SORCS3: variants seen among roughly 807,000 people sequenced by gnomAD.
SORCS3 encodes the protein sortilin related VPS10 domain containing receptor 3.
In SORCS3, 57 loss-of-function variants were observed where a neutral mutation model predicts 146.3. That is an observed-to-expected ratio of 0.39 (90% CI 0.31 to 0.49). The LOEUF (loss-of-function observed/expected upper bound fraction) is 0.49. Ranked by LOEUF, SORCS3 falls within the 20% of genes least tolerant of loss-of-function variation. The pLI is 0.92. For missense variants in SORCS3, 1,341 were observed against 1,575.5 expected (o/e 0.85, Z 2.52); for synonymous variants, 653 against 618.5 (o/e 1.06, Z -0.83).
At position 104,904,472 on chromosome 10, in the gene SORCS3, A is replaced by T. The variant is rs1479427340; in HGVS notation, c.696-11361A>T. 4.0e-5 allele frequency among the ~76,000 whole-genome samples: 6 copies of T among 151,340 alleles called. No homozygotes were observed. In the East Asian group the frequency reaches 1.2e-3, roughly 29 times the overall value. On this transcript the variant is annotated intron_variant, in intron 2 of 26. Transcript: ENST00000369701. Reference sequence around the variant, plus strand: ...CAAATAATGATACATACAAATATTTATGTCTGACAACACACATTCAAGTTA... The same window carrying T: ...CAAATAATGATACATACAAATATTTTTGTCTGACAACACACATTCAAGTTA...
chr10:105,138,963 C>T (rs1377009), intron 7 of SORCS3, among the ~76,000 whole-genome samples: 60,567 of 152,136 alleles, frequency 0.4, 12,349 homozygotes, highest in Middle Eastern at 0.48. Flanking sequence ...GAGCTTTGAA[C>T]AATAGTAATT....
chr10:104,927,994 A>C (rs2019166339), intron 3 of SORCS3, among the ~76,000 whole-genome samples: 1 of 152,200 alleles, frequency 6.6e-6, no homozygotes, highest in African/African-American at 2.4e-5. Flanking sequence ...AGAGGCAAAA[A>C]TCAGGCAGAA....
At chr10:105,222,881 A>T (rs2056712198) in intron 19 of SORCS3, among the ~76,000 whole-genome samples, 1 of 152,248 alleles carries the variant, frequency 6.6e-6, no homozygotes, top group Non-Finnish European at 1.5e-5. Flanking sequence ...TAGACTTATC[A>T]GATGTAAATT....
chr10:104,726,659 C>T (rs1383295077), intron 1 of SORCS3, among the ~76,000 whole-genome samples: 2 of 151,968 alleles, frequency 1.3e-5, no homozygotes, highest in Non-Finnish European at 2.9e-5. Flanking sequence ...TCCAAAGTTG[C>T]TCCTCCTCAG....
At chr10:104,970,600 T>C (rs1217517038) in intron 3 of SORCS3, among the ~76,000 whole-genome samples, 1 of 152,178 alleles carries the variant, frequency 6.6e-6, no homozygotes, top group East Asian at 1.9e-4. Flanking sequence ...CTATGATTAC[T>C]CTAAGAGTAT....
At chr10:104,646,117 A>G (rs2015492705) in intron 1 of SORCS3, among the ~76,000 whole-genome samples, 1 of 152,186 alleles carries the variant, frequency 6.6e-6, no homozygotes, top group South Asian at 2.1e-4. Flanking sequence ...GCTCCTGGTC[A>G]TTGTTGGTCT....
At chr10:104,648,506 T>C (rs1268804479) in intron 1 of SORCS3, among the ~76,000 whole-genome samples, 1 of 152,176 alleles carries the variant, frequency 6.6e-6, no homozygotes, top group Admixed American at 6.5e-5. Context: ...TAGGAATAGA[T>C]TCTTTCCTTC....
At chr10:104,717,360 G>A (rs2016492300) in intron 1 of SORCS3, among the ~76,000 whole-genome samples, 1 of 150,232 alleles carries the variant, frequency 6.7e-6, no homozygotes, top group Non-Finnish European at 1.5e-5. Flanking sequence ...AAAAGAAAGA[G>A]ATGTTCTGTT....
chr10:105,051,685 C>T (rs768012555), intron 5 of SORCS3, among the ~76,000 whole-genome samples: 4 of 152,044 alleles, frequency 2.6e-5, no homozygotes, highest in African/African-American at 4.8e-5. Context: ...TGTGCATCTA[C>T]GATTTTGCAA....
At chr10:104,783,296 A>G (rs2017395731) in intron 1 of SORCS3, among the ~76,000 whole-genome samples, 2 of 152,258 alleles carry the variant, frequency 1.3e-5, no homozygotes, top group South Asian at 2.1e-4. Flanking sequence ...TCAATAGACT[A>G]TTGGACCTGG....
At chr10:104,860,854 C>T (rs76572880) in intron 2 of SORCS3, among the ~76,000 whole-genome samples, 2,450 of 152,210 alleles carry the variant, frequency 0.016, 67 homozygotes, top group African/African-American at 0.051. Flanking sequence ...AGAGCCTGTG[C>T]GCTTGACCCT....
intron 3 of SORCS3, among the ~76,000 whole-genome samples, chr10:104,975,668 A>G (rs1335951650): frequency 6.6e-6 from 1 of 152,218 alleles, no homozygotes; most frequent in Non-Finnish European, 1.5e-5. Flanking sequence ...CTATACTACA[A>G]GGCTACAGTA....
chr10:104,720,959 A>C (rs184854027), intron 1 of SORCS3, among the ~76,000 whole-genome samples: 15 of 152,218 alleles, frequency 9.9e-5, no homozygotes, highest in Admixed American at 5.9e-4. Flanking sequence ...TTCTTTTGCT[A>C]TACAGAAGCT....
Position 105,229,704 on chromosome 10 carries a change from G to A in SORCS3, c.2868+6455G>A, listed in dbSNP as rs2056756017. On this transcript the variant is annotated intron_variant, in intron 20 of 26. Coordinates refer to ENST00000369701, the MANE Select transcript of SORCS3 (RefSeq NM_014978.3). ...CCATGGAAATTTTTTGCTGGGGACT[G>A]GGATGTCAGGTGGGCCAGGGTCTGG... Among the ~76,000 whole-genome samples, 3 of 152,300 alleles carry A rather than the reference G, an allele frequency of 2.0e-5. No individual in the cohort carries two copies. In the South Asian group the frequency reaches 6.2e-4, roughly 32 times the overall value.
intron 18 of SORCS3, among the ~76,000 whole-genome samples, chr10:105,216,081 G>A (rs919734339): frequency 1.6e-4 from 25 of 151,778 alleles, no homozygotes; most frequent in Admixed American, 2.6e-4. Flanking sequence ...TGAATCATTG[G>A]CATCATGTTA....
chr10:105,146,495 C>T (rs2056132160), intron 8 of SORCS3, among the ~76,000 whole-genome samples: 1 of 151,952 alleles, frequency 6.6e-6, no homozygotes, highest in Non-Finnish European at 1.5e-5. Flanking sequence ...AGGGCTGAGA[C>T]CCTAACTTGG....
At chr10:105,119,172 A>G (rs2055913687) in intron 7 of SORCS3, among the ~76,000 whole-genome samples, 1 of 152,198 alleles carries the variant, frequency 6.6e-6, no homozygotes, top group South Asian at 2.1e-4. Flanking sequence ...AAAGGGACCA[A>G]TGTACAGCTC....
At chr10:104,792,868 C>G (rs897096024) in intron 1 of SORCS3, among the ~76,000 whole-genome samples, 1 of 152,094 alleles carries the variant, frequency 6.6e-6, no homozygotes, top group African/African-American at 2.4e-5. Context: ...CTCCTTGAGT[C>G]TCACACAATG....
At chr10:104,890,003 T>C (rs1156976399) in intron 2 of SORCS3, among the ~76,000 whole-genome samples, 1 of 152,218 alleles carries the variant, frequency 6.6e-6, no homozygotes, top group Non-Finnish European at 1.5e-5. Flanking sequence ...AAAAATGTAC[T>C]TTCTTATCAT....
Sources: gnomAD v4.1 joint callset for allele counts (sites outside exome capture counted in the v4.1 genomes callset) on GRCh38, gnomAD v4.1.1 for gene constraint, MANE v1.5 for transcripts, NCBI Gene and HGNC (gene_info 2026-07-23, HGNC 2026-07-21) for gene names.